SEC14L1: variants seen among roughly 807,000 people sequenced by gnomAD.
SEC14L1 encodes SEC14 like lipid binding 1, also known as SEC14-like protein 1.
Under a neutral mutation model 85.3 loss-of-function variants are expected in SEC14L1, and 48 were observed. That is an observed-to-expected ratio of 0.56 (90% CI 0.45 to 0.72). The LOEUF (loss-of-function observed/expected upper bound fraction) is 0.72. Ranked by LOEUF, SEC14L1 falls within the 30% of genes least tolerant of loss-of-function variation. SEC14L1 has a pLI of 0.00. For missense variants in SEC14L1, 682 were observed against 921.4 expected, an observed-to-expected ratio of 0.74 and a Z score of 3.36; for synonymous variants, 391 against 355.5, an observed-to-expected ratio of 1.10 and a Z score of -1.12.
chr17:77,128,425 A>G (rs370125095), intron 3 of SEC14L1, among the ~76,000 whole-genome samples: 48 of 55,902 alleles, frequency 8.6e-4, no homozygotes, highest in East Asian at 3.3e-3. Context: ...ATTTTATTTT[A>G]TTTTATTTTA....
At chr17:77,211,877 G>C in intron 14 of SEC14L1, 73 bp from the exon 15 acceptor site, 1 of 1,573,284 alleles carries the variant, frequency 6.4e-7, no homozygotes, top group Non-Finnish European at 8.6e-7. Context: ...ATCCCCTGGA[G>C]AGCACGATGC....
intron 3 of SEC14L1, among the ~76,000 whole-genome samples, chr17:77,177,679 A>G (rs896612773): frequency 6.6e-6 from 1 of 152,124 alleles, no homozygotes; most frequent in Non-Finnish European, 1.5e-5. Flanking sequence ...CTAGATCTGA[A>G]TAGTAGTCTT....
intron 3 of SEC14L1, among the ~76,000 whole-genome samples, chr17:77,096,866 G>A (rs1263843699): frequency 1.3e-5 from 2 of 152,092 alleles, no homozygotes; most frequent in Non-Finnish European, 2.9e-5. Context: ...AAGACTTTCT[G>A]TCACCAAAAA....
At position 77,209,484 on chromosome 17, in the gene SEC14L1, C is replaced by G; in HGVS notation, c.1611+8C>G. ...AAAGGAGCCCCACATGAGGTACGTCCTCCGCCTTCCTGCACCTGGGCCGGC... is the reference window on the plus strand; with the variant it reads ...AAAGGAGCCCCACATGAGGTACGTCGTCCGCCTTCCTGCACCTGGGCCGGC... On this transcript the variant is annotated splice_region_variant and intron_variant, in intron 14 of 16. Transcript: ENST00000436233. 6.2e-7 allele frequency: 1 copy of G among 1,612,936 alleles called. No homozygotes were observed.
chr17:77,099,763 CA>C (rs534380209), intron 3 of SEC14L1, among the ~76,000 whole-genome samples: 1 of 151,528 alleles, frequency 6.6e-6, no homozygotes, highest in East Asian at 1.9e-4. Context: ...CAAACAAAAA[CA>C]AAAAAAATCC....
intron 3 of SEC14L1, among the ~76,000 whole-genome samples, chr17:77,096,936 C>T (rs931008944): frequency 6.6e-6 from 1 of 152,116 alleles, no homozygotes; most frequent in Non-Finnish European, 1.5e-5. Context: ...TCCGGTTGTC[C>T]CAGTGGAATC....
chr17:77,185,667 G>A (rs1479195040), intron 3 of SEC14L1, among the ~76,000 whole-genome samples: 1 of 152,180 alleles, frequency 6.6e-6, no homozygotes, highest in East Asian at 1.9e-4. Context: ...GTACGTCACA[G>A]TACTGGAATG....
intron 3 of SEC14L1, among the ~76,000 whole-genome samples, chr17:77,135,528 C>T (rs1972768645): frequency 6.6e-6 from 1 of 152,130 alleles, no homozygotes; most frequent in Non-Finnish European, 1.5e-5. Context: ...CTTTGTCTTC[C>T]TTCCTTCCTT....
chr17:77,193,669 C>T, intron 6 of SEC14L1, 120 bp downstream of exon 6: 1 of 1,026,092 alleles, frequency 9.7e-7, no homozygotes, highest in Non-Finnish European at 1.4e-6. Context: ...GTGGAAGATG[C>T]TATGATCCCT....
chr17:77,156,257 G>T (rs1973812188), intron 3 of SEC14L1, among the ~76,000 whole-genome samples: 1 of 152,056 alleles, frequency 6.6e-6, no homozygotes, highest in African/African-American at 2.4e-5. Context: ...CCCAGGGTGA[G>T]AATCAAATCC....
At chr17:77,109,755 C>T (rs1028269941) in intron 3 of SEC14L1, among the ~76,000 whole-genome samples, 8 of 152,168 alleles carry the variant, frequency 5.3e-5, no homozygotes, top group African/African-American at 1.9e-4. Flanking sequence ...TATGCCGTTC[C>T]ATATGTTCTA....
At chr17:77,110,877 C>CAAAAAA (rs1212651345) in intron 3 of SEC14L1, among the ~76,000 whole-genome samples, 5 of 46,648 alleles carry the variant, frequency 1.1e-4, no homozygotes, top group Non-Finnish European at 1.2e-4. Context: ...GACTCTGTCT[C>CAAAAAA]AAAAAAAAAA....
chr17:77,213,267 G>A lies in SEC14L1; in HGVS notation c.1864-47G>A. 1 of 1,535,494 alleles carries A rather than the reference G, an allele frequency of 6.5e-7. No individual in the cohort carries two copies. On this transcript the variant is annotated intron_variant, in intron 15 of 16. Transcript: ENST00000436233. The surrounding 1 kb of genome is among the most constrained non-coding windows in gnomAD (Gnocchi z 7.1). ...CTTGTCAGGCCTGTGGTAGGCCAGG[G>A]GTCGGAAGCGAGTCGCCCTCAGCTG...
rs113573930 is a variant in SEC14L1 at position 77,161,656 on chromosome 17, A to G, written c.63+17997A>G. The stretch of plus-strand genomic sequence containing the variant: ...AGGCTTCATGAAGGATTTCTTTGCC[A>G]TAGAGATTTTGCTTTACTTTCATGA... On this transcript the variant is annotated intron_variant, in intron 3 of 16. Transcript: ENST00000436233. Among the ~76,000 whole-genome samples, 524 of 151,404 alleles carry G rather than the reference A, an allele frequency of 3.5e-3. 1 individual carries two copies. The highest frequency in any genetic ancestry group is 0.012 in the African/African-American group (483 of 41,270).
Position 77,212,153 on chromosome 17 carries a change from C to T in SEC14L1, c.1815C>T (p.Tyr605=), listed in dbSNP as rs944434058. 15 of 1,614,008 alleles carry T rather than the reference C, an allele frequency of 9.3e-6. No homozygotes were observed. In the African/African-American group the frequency reaches 1.2e-4, roughly 13 times the overall value. ...IDKVWQLGRD[Y]SMVESPLICK... Reference sequence around the variant, plus strand: ...AAGTCTGGCAGCTGGGCCGCGACTACAGCATGGTGGAGTCGCCTCTGATCT... The same window carrying T: ...AAGTCTGGCAGCTGGGCCGCGACTATAGCATGGTGGAGTCGCCTCTGATCT... The change falls in exon 15 of 17, where the codon TAC becomes TAT. Residue 605 remains tyrosine (Y), a synonymous_variant. Coordinates refer to ENST00000436233, the MANE Select transcript of SEC14L1 (RefSeq NM_001143998.2).
intron 9 of SEC14L1, among the ~76,000 whole-genome samples, 163 bp downstream of exon 9, chr17:77,200,836 C>T (rs900211140): frequency 2.6e-5 from 4 of 152,200 alleles, no homozygotes; most frequent in South Asian, 4.1e-4. Flanking sequence ...CAGACTGATA[C>T]GTGTCACCAC....
rs142114466 is a variant in SEC14L1 at position 77,176,866 on chromosome 17, C to T, written c.64-13937C>T. 5.4e-3 allele frequency among the ~76,000 whole-genome samples: 820 copies of T among 152,238 alleles called. 10 individuals are homozygous for T. The highest frequency in any genetic ancestry group is 0.019 in the African/African-American group (785 of 41,538). Reference sequence around the variant, plus strand: ...CCTCCCAAAGTGCTGGGATTACAGGCGTGAGCCCCTGCACCTGGCCAATTA... The same window carrying T: ...CCTCCCAAAGTGCTGGGATTACAGGTGTGAGCCCCTGCACCTGGCCAATTA... On this transcript the variant is annotated intron_variant, in intron 3 of 16. Coordinates refer to ENST00000436233, the MANE Select transcript of SEC14L1 (RefSeq NM_001143998.2).
At chr17:77,133,542 G>T (rs958322935) in intron 3 of SEC14L1, among the ~76,000 whole-genome samples, 2 of 152,164 alleles carry the variant, frequency 1.3e-5, no homozygotes. Context: ...CTGTGCTTCG[G>T]TCCCAAGGGC....
intron 3 of SEC14L1, among the ~76,000 whole-genome samples, chr17:77,133,424 C>A (rs908062007): frequency 5.3e-5 from 8 of 152,232 alleles, no homozygotes; most frequent in Non-Finnish European, 7.3e-5. Flanking sequence ...ACACTGCGTC[C>A]TGAGGTCAGC....
Sources: allele counts gnomAD v4.1 joint callset (sites outside exome capture counted in the v4.1 genomes callset), GRCh38; gene constraint gnomAD v4.1.1; non-coding constraint Gnocchi (gnomAD v3.1); transcripts MANE v1.5; gene names NCBI Gene and HGNC (gene_info 2026-07-23, HGNC 2026-07-21).